XYLB: variants seen among roughly 807,000 people sequenced by gnomAD.
XYLB encodes the protein xylulose kinase.
XYLB carries 62 observed loss-of-function variants against 78.7 expected under a neutral mutation model. The observed-to-expected ratio is 0.79, with a 90% CI of 0.64 to 0.97. The LOEUF (loss-of-function observed/expected upper bound fraction) is 0.97. Among genes scored for constraint, XYLB ranks in the 50% least tolerant of loss-of-function variants. XYLB has a pLI of 0.00. For missense variants in XYLB, 687 were observed against 676.8 expected (o/e 1.02, Z -0.17); for synonymous variants, 245 against 247.4 (o/e 0.99, Z 0.09).
At chr3:38,365,486 A>T (rs1706203953) in intron 5 of XYLB, 122 bp from the exon 6 acceptor site, 1 of 1,509,368 alleles carries the variant, frequency 6.6e-7, no homozygotes, top group African/African-American at 1.4e-5. Context: ...TGTGTCTCCA[A>T]CCAAGGTCAC....
chr3:38,353,845 C>CAGAGAGCT, intron 2 of XYLB, among the ~76,000 whole-genome samples: 1 of 144,050 alleles, frequency 6.9e-6, no homozygotes, highest in Non-Finnish European at 1.5e-5. Context: ...TGAGATTGTG[C>CAGAGAGCT]CACTGCATTC....
the XYLB span, among the ~76,000 whole-genome samples, chr3:38,431,503 C>A: frequency 3.3e-5 from 5 of 152,180 alleles, no homozygotes; most frequent in African/African-American, 1.2e-4. Flanking sequence ...CAAAGAGGGA[C>A]AATTTGACTT....
At chr3:38,362,124 T>C (rs971298382) in intron 3 of XYLB, among the ~76,000 whole-genome samples, 1 of 152,224 alleles carries the variant, frequency 6.6e-6, no homozygotes. Context: ...CTGGGCCTGA[T>C]GCTTTGCTCT....
intron 18 of XYLB, among the ~76,000 whole-genome samples, chr3:38,405,901 C>A (rs1234431731): frequency 6.6e-6 from 1 of 152,252 alleles, no homozygotes; most frequent in Admixed American, 6.5e-5. Context: ...CTGGGTGGAG[C>A]CCACCACAGC....
Position 38,366,852 on chromosome 3 carries a change from C to T in XYLB, c.552C>T (p.Pro184=), listed in dbSNP as rs747195525. 11 of 1,612,858 alleles carry T rather than the reference C, an allele frequency of 6.8e-6. No homozygotes were observed. Among genetic ancestry groups the T allele is most frequent in the African/African-American group, 2.7e-5 (2 of 74,892 alleles). Reference sequence around the variant, plus strand: ...TTGCAAAAATTTACCAGCAGAACCCCGAGGCCTACTCACATACGGAGGTTG... The same window carrying T: ...TTGCAAAAATTTACCAGCAGAACCCTGAGGCCTACTCACATACGGAGGTTG... ...NQIAKIYQQN[P]EAYSHTERIS... is the part of the protein sequence containing the mutation. The change falls in exon 7 of 19, where the codon CCC becomes CCT. Residue 184 remains proline, a synonymous_variant. Transcript: ENST00000207870.
At chr3:38,392,165 T>C (rs1000512261) in intron 15 of XYLB, among the ~76,000 whole-genome samples, 1 of 152,210 alleles carries the variant, frequency 6.6e-6, no homozygotes, top group Admixed American at 6.5e-5. Flanking sequence ...AGCAGCAGTT[T>C]ATGAGGGTTC....
intron 15 of XYLB, among the ~76,000 whole-genome samples, chr3:38,385,740 T>C (rs185663603): frequency 1.3e-5 from 2 of 152,316 alleles, no homozygotes; most frequent in Admixed American, 1.3e-4. Flanking sequence ...CTCATCTTGT[T>C]TTTTCCTTGG....
rs745982811 is a variant in XYLB, at chr3:38,375,151, T to C, written c.896T>C (p.Leu299Pro). The change falls in exon 12 of 19, where the codon CTG becomes CCG. Residue 299 changes from leucine (L) to proline (P), a missense_variant. By Grantham distance (98) the Leu-to-Pro change is moderately conservative. Coordinates refer to ENST00000207870, the MANE Select transcript of XYLB (RefSeq NM_005108.4). ...RLEEGDIAVS[L>P]GTSDTLFLWL... The stretch of plus-strand genomic sequence containing the variant: ...CTGCCTATCTCTCCTCAGGTCAGCC[T>C]GGGCACCAGTGACACCCTGTTTCTC... 6.2e-7 allele frequency: 1 copy of C among 1,613,832 alleles called. No individual in the cohort carries two copies. Among genetic ancestry groups the C allele is most frequent in the South Asian group, 1.1e-5 (1 of 91,008 alleles).
intron 2 of XYLB, 83 bp downstream of exon 2, chr3:38,348,715 C>T: frequency 4.7e-6 from 6 of 1,282,544 alleles, no homozygotes; most frequent in Non-Finnish European, 5.7e-6. Context: ...GCAGACCGCA[C>T]TGTTGAGGCT....
downstream of XYLB, among the ~76,000 whole-genome samples, chr3:38,415,647 G>A (rs1034046823): frequency 2.0e-4 from 31 of 152,226 alleles, no homozygotes; most frequent in Non-Finnish European, 1.5e-5. Context: ...GCTGGGTATG[G>A]TGGTGCACGC....
the XYLB span, among the ~76,000 whole-genome samples, chr3:38,434,096 T>A: frequency 1.9e-4 from 29 of 152,246 alleles, no homozygotes; most frequent in South Asian, 6.0e-3. Context: ...TATAAAAACA[T>A]CAGATCTTGT....
chr3:38,447,619 G>A, the XYLB span, among the ~76,000 whole-genome samples: 25 of 151,948 alleles, frequency 1.6e-4, no homozygotes, highest in Middle Eastern at 3.4e-3. Context: ...ACATCTGGCC[G>A]AAAAGGGAAC....
At chr3:38,411,869 ACTC>A (rs1217821876) in intron 18 of XYLB, among the ~76,000 whole-genome samples, 54 of 151,174 alleles carry the variant, frequency 3.6e-4, no homozygotes, top group East Asian at 3.1e-3. Context: ...GAGTGCAGTG[ACTC>A]CTCCTGGTCC....
chr3:38,428,261 A>G, the XYLB span, among the ~76,000 whole-genome samples: 152,186 of 152,336 alleles, frequency 1, 76,019 homozygotes, highest in Middle Eastern at 1. Context: ...AATTTTGGGG[A>G]ATGTTATGTG....
rs1294400653 is a variant in XYLB at position 38,400,912 on chromosome 3, T to G, written c.1460T>G (p.Val487Gly). ...AFHGLAGGTD[V>G]PFSEVVKLAP... ...CTAGGTCTTGCAGGTGGAACAGATG[T>G]GCCCTTTTCAGAGGTTGTGAAGTTA... Residue 487 changes from valine to glycine, a missense_variant, in exon 18 of 19, where the codon GTG (valine) becomes GGG (glycine). Val to Gly is a moderately radical substitution (Grantham distance 109). Transcript: ENST00000207870. 4 of 1,614,090 alleles carry G rather than the reference T, an allele frequency of 2.5e-6. No individual in the cohort carries two copies. In the East Asian group the frequency reaches 8.9e-5, roughly 36 times the overall value.
At chr3:38,450,102 C>A in the XYLB span, among the ~76,000 whole-genome samples, 1 of 152,156 alleles carries the variant, frequency 6.6e-6, no homozygotes, top group African/African-American at 2.4e-5. Flanking sequence ...CCTCCCCCAA[C>A]AATTATACAC....
At chr3:38,402,455 C>T (rs1708157647) in intron 18 of XYLB, among the ~76,000 whole-genome samples, 2 of 152,186 alleles carry the variant, frequency 1.3e-5, no homozygotes, top group South Asian at 4.1e-4. Context: ...GCAGACAAAC[C>T]ACACACATAG....
downstream of XYLB, among the ~76,000 whole-genome samples, chr3:38,419,447 A>G (rs912524440): frequency 1.3e-5 from 2 of 151,312 alleles, no homozygotes; most frequent in African/African-American, 4.8e-5. Context: ...GCTGAATCAT[A>G]TAGTAATTCT....
chr3:38,368,974 A>C (rs1403203182), intron 8 of XYLB, among the ~76,000 whole-genome samples: 3 of 152,196 alleles, frequency 2.0e-5, no homozygotes, highest in African/African-American at 7.2e-5. Flanking sequence ...ATTGCAGTTG[A>C]TGCCAGTGAG....
Sources: gnomAD v4.1 joint callset for allele counts (sites outside exome capture counted in the v4.1 genomes callset) on GRCh38, gnomAD v4.1.1 for gene constraint, MANE v1.5 for transcripts, NCBI Gene and HGNC (gene_info 2026-07-23, HGNC 2026-07-21) for gene names.